SLC44A5: variants seen among roughly 807,000 people sequenced by gnomAD.
SLC44A5 encodes choline transporter-like protein 5.
In SLC44A5, 57 loss-of-function variants were observed where a neutral mutation model predicts 101.8. The observed-to-expected ratio is 0.56, with a 90% CI of 0.45 to 0.70. SLC44A5 has a LOEUF of 0.70. Ranked by LOEUF, SLC44A5 falls within the 30% of genes least tolerant of loss-of-function variation. SLC44A5 has a pLI of 0.00. For missense variants in SLC44A5, 737 were observed against 853.1 expected (o/e 0.86, Z 1.70); for synonymous variants, 281 against 290.9 (o/e 0.97, Z 0.35).
At chr1:75,690,628 T>C in the SLC44A5 span, among the ~76,000 whole-genome samples, 4 of 152,190 alleles carry the variant, frequency 2.6e-5, no homozygotes, top group African/African-American at 9.6e-5. Flanking sequence ...TGGGTAAGAC[T>C]GACTAGACTC....
chr1:75,423,850 C>G (rs1187085010), intron 2 of SLC44A5, among the ~76,000 whole-genome samples: 1 of 152,244 alleles, frequency 6.6e-6, no homozygotes, highest in Non-Finnish European at 1.5e-5. Context: ...CCATCCTAAT[C>G]AACTGCTGTT....
chr1:75,542,051 A>T (rs995939626), intron 1 of SLC44A5, among the ~76,000 whole-genome samples: 3 of 152,176 alleles, frequency 2.0e-5, no homozygotes, highest in South Asian at 2.1e-4. Flanking sequence ...TAAGTTAAAG[A>T]AAAGCCTTTT....
At chr1:75,720,907 A>AT in the SLC44A5 span, among the ~76,000 whole-genome samples, 1 of 152,100 alleles carries the variant, frequency 6.6e-6, no homozygotes, top group African/African-American at 2.4e-5. Flanking sequence ...AGATTTAAAC[A>AT]TTTTCTGGCT....
chr1:75,654,668 A>G, the SLC44A5 span, among the ~76,000 whole-genome samples: 1 of 152,176 alleles, frequency 6.6e-6, no homozygotes, highest in African/African-American at 2.4e-5. Context: ...TTGAAAATCT[A>G]ACCCTGAAGC....
intron 2 of SLC44A5, among the ~76,000 whole-genome samples, chr1:75,483,844 C>T (rs1009301771): frequency 1.3e-5 from 2 of 152,038 alleles, no homozygotes; most frequent in Non-Finnish European, 2.9e-5. Context: ...AAATTACAAT[C>T]ATGGCAGAAG....
chr1:75,506,212 G>A (rs917087588), intron 2 of SLC44A5, among the ~76,000 whole-genome samples: 6 of 152,026 alleles, frequency 3.9e-5, no homozygotes, highest in Non-Finnish European at 4.4e-5. Flanking sequence ...TGGTCTGTAT[G>A]TCTGTTTTTG....
At chr1:75,430,667 G>C (rs1279900303) in intron 2 of SLC44A5, among the ~76,000 whole-genome samples, 1 of 152,230 alleles carries the variant, frequency 6.6e-6, no homozygotes, top group East Asian at 1.9e-4. Flanking sequence ...TAAAATGCAA[G>C]TATGTGGACA....
At chr1:75,216,923 T>C (rs1276219866) in intron 18 of SLC44A5, among the ~76,000 whole-genome samples, 2 of 152,074 alleles carry the variant, frequency 1.3e-5, no homozygotes, top group Admixed American at 1.3e-4. Flanking sequence ...ACTCTCTTGG[T>C]AGTGTTCTTT....
chr1:75,583,113 G>A (rs1333899513), intron 1 of SLC44A5, among the ~76,000 whole-genome samples: 1 of 152,170 alleles, frequency 6.6e-6, no homozygotes, highest in African/African-American at 2.4e-5. Flanking sequence ...GCTCAGGAAT[G>A]ACTCAGTGTG....
At chr1:75,527,285 G>A (rs183408950) in intron 2 of SLC44A5, among the ~76,000 whole-genome samples, 7 of 138,020 alleles carry the variant, frequency 5.1e-5, no homozygotes, top group African/African-American at 2.0e-4. Context: ...AGGGAGAAAG[G>A]GAGAAAGAGA....
intron 9 of SLC44A5, among the ~76,000 whole-genome samples, chr1:75,239,093 C>T (rs1171073453): frequency 6.6e-6 from 1 of 151,926 alleles, no homozygotes; most frequent in Non-Finnish European, 1.5e-5. Flanking sequence ...CAAATAAGAA[C>T]CAGCTCAAAT....
chr1:75,338,187 G>C (rs1000148361), intron 4 of SLC44A5, among the ~76,000 whole-genome samples: 3 of 152,194 alleles, frequency 2.0e-5, no homozygotes, highest in African/African-American at 7.2e-5. Flanking sequence ...TCTTTGTGGT[G>C]CCGGAGGCAT....
chr1:75,343,913 A>G (rs1658064841), intron 3 of SLC44A5, among the ~76,000 whole-genome samples: 1 of 152,132 alleles, frequency 6.6e-6, no homozygotes, highest in African/African-American at 2.4e-5. Context: ...GCCATTTCTT[A>G]CAGGATGATG....
At chr1:75,422,899 A>G (rs974761516) in intron 2 of SLC44A5, among the ~76,000 whole-genome samples, 2 of 152,210 alleles carry the variant, frequency 1.3e-5, no homozygotes, top group African/African-American at 4.8e-5. Context: ...TGCTAATAGT[A>G]GAGACTCAGA....
chr1:75,400,387 T>C (rs1363423897), intron 2 of SLC44A5, among the ~76,000 whole-genome samples: 1 of 152,192 alleles, frequency 6.6e-6, no homozygotes, highest in Non-Finnish European at 1.5e-5. Context: ...TAATTAAAAA[T>C]AGTTACTTTG....
chr1:75,319,753 G>T (rs1181860058), intron 4 of SLC44A5, among the ~76,000 whole-genome samples: 1 of 152,134 alleles, frequency 6.6e-6, no homozygotes, highest in Non-Finnish European at 1.5e-5. Context: ...GGAATAGAAT[G>T]TATAATGATC....
chr1:75,677,695 T>TAA, the SLC44A5 span: 2 of 420,036 alleles, frequency 4.8e-6, no homozygotes, highest in African/African-American at 2.2e-5. Context: ...ACTAAATGCA[T>TAA]AAAAAAAACA....
intron 2 of SLC44A5, among the ~76,000 whole-genome samples, chr1:75,530,418 G>A (rs774590390): frequency 6.6e-6 from 1 of 152,132 alleles, no homozygotes; most frequent in African/African-American, 2.4e-5. Flanking sequence ...TGCTTTTTGA[G>A]TTATAGAATG....
intron 6 of SLC44A5, among the ~76,000 whole-genome samples, chr1:75,254,924 A>T (rs1190937063): frequency 1.3e-5 from 2 of 152,186 alleles, no homozygotes; most frequent in Non-Finnish European, 2.9e-5. Flanking sequence ...AAAAAATCTC[A>T]TAATGTTTTA....
Sources: gnomAD v4.1 joint callset for allele counts (sites outside exome capture counted in the v4.1 genomes callset) on GRCh38, gnomAD v4.1.1 for gene constraint, MANE v1.5 for transcripts, NCBI Gene and HGNC (gene_info 2026-07-23, HGNC 2026-07-21) for gene names.